Variants in TTYH3 observed in about 807,000 individuals in gnomAD.
TTYH3 encodes protein tweety homolog 3.
Under a neutral mutation model 68.2 loss-of-function variants are expected in TTYH3, and 23 were observed. That is an observed-to-expected ratio of 0.34 (90% CI 0.24 to 0.48). The LOEUF (loss-of-function observed/expected upper bound fraction) is 0.48. Among genes scored for constraint, TTYH3 ranks in the 20% least tolerant of loss-of-function variants. The pLI is 0.99. For missense variants in TTYH3, 768 were observed against 727.7 expected (o/e 1.06, Z -0.64); for synonymous variants, 360 against 332.8 (o/e 1.08, Z -0.89).
intron 7 of TTYH3, among the ~76,000 whole-genome samples, 197 bp downstream of exon 7, chr7:2,650,185 TA>T (rs765324467): frequency 1.3e-5 from 2 of 152,072 alleles, no homozygotes; most frequent in Non-Finnish European, 2.9e-5. Context: ...TGACAGGAAC[TA>T]TGTGGGGTGG....
At chr7:2,642,833 C>T (rs1203964589) in intron 1 of TTYH3, among the ~76,000 whole-genome samples, 3 of 147,738 alleles carry the variant, frequency 2.0e-5, no homozygotes, top group Admixed American at 6.8e-5. Flanking sequence ...GAAGCTAAGG[C>T]GGGCAGATCA....
intron 13 of TTYH3, among the ~76,000 whole-genome samples, chr7:2,661,172 G>A (rs1786484893): frequency 6.6e-6 from 1 of 152,186 alleles, no homozygotes; most frequent in South Asian, 2.1e-4. Flanking sequence ...TCCTCAGGCT[G>A]GGGCCTCCGT....
chr7:2,647,849 C>T (rs753059175), intron 4 of TTYH3, 110 bp from the exon 5 acceptor site: 3 of 1,291,874 alleles, frequency 2.3e-6, no homozygotes, highest in South Asian at 2.4e-5. Flanking sequence ...GCTCTGAATG[C>T]CCTCTGGGGT....
At chr7:2,655,598 C>T (rs999200942) in intron 9 of TTYH3, among the ~76,000 whole-genome samples, 2 of 152,232 alleles carry the variant, frequency 1.3e-5, no homozygotes, top group African/African-American at 4.8e-5. Context: ...TGGTGGTGTC[C>T]GTGCACAGGT....
chr7:2,639,385 A>G (rs1053526705), intron 1 of TTYH3, among the ~76,000 whole-genome samples: 7 of 151,994 alleles, frequency 4.6e-5, no homozygotes, highest in African/African-American at 1.7e-4. Flanking sequence ...GCCCTCCCCC[A>G]CCTGTTGCGG....
intron 8 of TTYH3, 108 bp from the exon 9 acceptor site, chr7:2,652,810 T>C: frequency 1.2e-6 from 1 of 846,998 alleles, no homozygotes; most frequent in Non-Finnish European, 1.9e-6. Flanking sequence ...GCCTTGATGG[T>C]CTCCCAGGCT....
intron 5 of TTYH3, among the ~76,000 whole-genome samples, chr7:2,649,077 G>C (rs1038623066): frequency 3.9e-5 from 6 of 152,072 alleles, no homozygotes; most frequent in African/African-American, 1.2e-4. Context: ...TGTGTATCTG[G>C]ATCAAAGGGA....
At chr7:2,655,860 G>T (rs1027910646) in intron 9 of TTYH3, among the ~76,000 whole-genome samples, 1 of 152,212 alleles carries the variant, frequency 6.6e-6, no homozygotes, top group Non-Finnish European at 1.5e-5. Context: ...GCGCTTCTGG[G>T]TCCTCATGTC....
At chr7:2,655,234 C>T (rs1786300710) in intron 9 of TTYH3, among the ~76,000 whole-genome samples, 1 of 152,186 alleles carries the variant, frequency 6.6e-6, no homozygotes, top group Non-Finnish European at 1.5e-5. Context: ...GCAAACTTCG[C>T]CTCCCGGCTG....
chr7:2,633,526 A>G (rs1276045321), intron 1 of TTYH3, among the ~76,000 whole-genome samples: 1 of 152,116 alleles, frequency 6.6e-6, no homozygotes, highest in Non-Finnish European at 1.5e-5. Context: ...AGCAGGGAGG[A>G]GGGAGGCGGA....
At chr7:2,652,056 CAG>C (rs997021311) in intron 7 of TTYH3, 129 bp from the exon 8 acceptor site, 10 of 752,190 alleles carry the variant, frequency 1.3e-5, no homozygotes, top group Admixed American at 8.0e-5. Context: ...CAGGTGCACA[CAG>C]ACACACATGC....
At chr7:2,633,972 C>T (rs887090887) in intron 1 of TTYH3, among the ~76,000 whole-genome samples, 1 of 152,236 alleles carries the variant, frequency 6.6e-6, no homozygotes, top group Non-Finnish European at 1.5e-5. Flanking sequence ...CTCAGCCTGA[C>T]CTGCCTGGCC....
chr7:2,642,336 T>C (rs971353295), intron 1 of TTYH3, among the ~76,000 whole-genome samples: 3 of 148,990 alleles, frequency 2.0e-5, no homozygotes, highest in Admixed American at 2.0e-4. Flanking sequence ...AGGTCAGGAG[T>C]TCAAGACCAG....
At chr7:2,659,041 T>TG (rs1339204194) in intron 13 of TTYH3, 26 bp downstream of exon 13, 3 of 1,597,106 alleles carry the variant, frequency 1.9e-6, no homozygotes, top group East Asian at 2.3e-5. Context: ...GGAGGGTGGA[T>TG]GGGGGGCTGC....
chr7:2,658,395 G>A lies in TTYH3; in HGVS notation c.1360G>A (p.Gly454Ser), dbSNP rs1337495139. The A allele has an allele frequency of 1.9e-6, 3 of 1,612,154 alleles. No individual in the cohort carries two copies. Among genetic ancestry groups the A allele is most frequent in the Non-Finnish European group, 1.7e-6 (2 of 1,179,772 alleles). Residue 454 changes from glycine to serine, a missense_variant, in exon 12 of 14, where the codon GGC becomes AGC. Gly to Ser is a moderately conservative substitution (Grantham distance 56, BLOSUM62 0). Coordinates refer to ENST00000258796, the MANE Select transcript of TTYH3 (RefSeq NM_025250.3). ...CCTGTACAGCTGTGGCAGCAGCTACGGCAGTGAGACCAGCATCCCGGCCGC... is the reference window on the plus strand; with the variant it reads ...CCTGTACAGCTGTGGCAGCAGCTACAGCAGTGAGACCAGCATCCCGGCCGC... ...PSLYSCGSSY[G>S]SETSIPAAAH...
intron 11 of TTYH3, among the ~76,000 whole-genome samples, 160 bp from the exon 12 acceptor site, chr7:2,658,126 G>T (rs1786386587): frequency 6.6e-6 from 1 of 152,256 alleles, no homozygotes; most frequent in African/African-American, 2.4e-5. Context: ...GCTGGATGCA[G>T]AGCCAGGTGA....
chr7:2,633,784 G>T (rs570907788), intron 1 of TTYH3, among the ~76,000 whole-genome samples: 131 of 152,360 alleles, frequency 8.6e-4, no homozygotes, highest in African/African-American at 3.1e-3. Context: ...CGTGGGGGGC[G>T]GCTGTTTCCT....
Position 2,656,306 on chromosome 7 carries a change from G to A in TTYH3, c.1114-92G>A, listed in dbSNP as rs926393673. 1.3e-5 allele frequency: 21 copies of A among 1,566,600 alleles called. No homozygotes were observed. In the Admixed American group the frequency reaches 2.6e-4, roughly 19 times the overall value. On this transcript the variant is annotated intron_variant, in intron 10 of 13. Coordinates refer to ENST00000258796, the MANE Select transcript of TTYH3 (RefSeq NM_025250.3). ...GTCCTCAGCCCTGCCTCTGGGGGGC[G>A]GTCCAGGCCGCCGTGGCTGGGCTGA...
chr7:2,647,038 C>A lies in TTYH3; in HGVS notation c.293+16C>A. The A allele has an allele frequency of 1.9e-6, 1 of 535,808 alleles. No individual in the cohort carries two copies. Among genetic ancestry groups the A allele is most frequent in the Non-Finnish European group, 2.8e-6 (1 of 351,104 alleles). The allele number at this position is 535,808 out of a possible 1,614,324, so 33.2% of individuals were successfully genotyped here. ...TGGTGTGCAGGTGAGCGCGGTGGGG[C>A]GGGGACGGAGGGCGGGGCCAGAGGG... On this transcript the variant is annotated intron_variant, in intron 2 of 13. Coordinates refer to ENST00000258796, the MANE Select transcript of TTYH3 (RefSeq NM_025250.3).
Sources: allele counts gnomAD v4.1 joint callset (sites outside exome capture counted in the v4.1 genomes callset), GRCh38; gene constraint gnomAD v4.1.1; transcripts MANE v1.5; gene names NCBI Gene and HGNC (gene_info 2026-07-23, HGNC 2026-07-21).